Variants in VAX2 observed in about 807,000 individuals in gnomAD.
The protein encoded by VAX2 is ventral anterior homeobox 2.
Under a neutral mutation model 12.5 loss-of-function variants are expected in VAX2, and 8 were observed. The ratio of observed to expected loss-of-function variants is 0.64; its 90% confidence interval spans 0.37 to 1.15. The LOEUF (loss-of-function observed/expected upper bound fraction) is 1.15. VAX2 is among the 50% of genes most tolerant of loss of function. The pLI, the probability that VAX2 is intolerant of heterozygous loss-of-function variation, is 0.01. For synonymous variants in VAX2, 183 were observed against 187.6 expected (o/e 0.98, Z 0.20); for missense variants, 476 against 412.9 (o/e 1.15, Z -1.32).
intron 2 of VAX2, among the ~76,000 whole-genome samples, chr2:70,921,635 G>A (rs1313296718): frequency 2.6e-5 from 4 of 151,994 alleles, no homozygotes; most frequent in Admixed American, 2.0e-4. Flanking sequence ...GATGGTGAGG[G>A]CTTGGCTGGT....
chr2:70,928,874 T>A (rs775610004), intron 2 of VAX2, among the ~76,000 whole-genome samples: 1 of 152,202 alleles, frequency 6.6e-6, no homozygotes, highest in Non-Finnish European at 1.5e-5. Context: ...GCTCCCTAAA[T>A]GGGTTTTCTT....
intron 1 of VAX2, among the ~76,000 whole-genome samples, chr2:70,913,309 T>A (rs1679231524): frequency 6.6e-6 from 1 of 152,222 alleles, no homozygotes; most frequent in Non-Finnish European, 1.5e-5. Flanking sequence ...GATGGTAATA[T>A]CCCCTTATCT....
intron 1 of VAX2, among the ~76,000 whole-genome samples, chr2:70,919,230 C>CA (rs571460115): frequency 0.16 from 8,671 of 53,482 alleles, 628 homozygotes; most frequent in East Asian, 0.4. Flanking sequence ...TGTGTCTCCA[C>CA]AAAAAAAAAA....
In VAX2 at chr2:70,929,416, C is replaced by T. The variant is rs1407905798; in HGVS notation, c.436-3351C>T. ...ATAGGTATTTAGAAAAGGCCTGGAGCGGTGGCTCATGCCTGTAATCCCAGC... is the reference window on the plus strand; with the variant it reads ...ATAGGTATTTAGAAAAGGCCTGGAGTGGTGGCTCATGCCTGTAATCCCAGC... On this transcript the variant is annotated intron_variant, in intron 2 of 2. Coordinates refer to ENST00000234392, the MANE Select transcript of VAX2 (RefSeq NM_012476.3). Among the ~76,000 whole-genome samples the T allele has an allele frequency of 3.9e-5, 6 of 152,348 alleles. No individual in the cohort carries two copies. In the East Asian group the frequency reaches 5.8e-4, roughly 15 times the overall value.
intron 2 of VAX2, among the ~76,000 whole-genome samples, chr2:70,927,680 G>A (rs1481493214): frequency 2.6e-5 from 4 of 152,060 alleles, no homozygotes; most frequent in African/African-American, 9.7e-5. Flanking sequence ...AAATTCCTCT[G>A]TAGTCCTGGC....
chr2:70,921,218 G>T lies in VAX2; in HGVS notation c.368G>T (p.Arg123Leu), dbSNP rs142434739. 8.1e-6 allele frequency: 13 copies of T among 1,613,604 alleles called. No homozygotes were observed. The highest frequency in any genetic ancestry group is 1.1e-5 in the Non-Finnish European group (13 of 1,179,926). ...TACCGCCTGGAGATGGAGTTCCAGCGCTGCCAGTATGTGGTGGGCCGCGAG... is the reference window on the plus strand; with the variant it reads ...TACCGCCTGGAGATGGAGTTCCAGCTCTGCCAGTATGTGGTGGGCCGCGAG... ...QLYRLEMEFQ[R>L]CQYVVGRERT... is the part of the protein sequence containing the mutation. Residue 123 changes from arginine to leucine, a missense_variant, in exon 2 of 3, where the codon CGC becomes CTC. By Grantham distance (102) the Arg-to-Leu change is moderately radical. Transcript: ENST00000234392.
chr2:70,909,626 C>T (rs747968704), intron 1 of VAX2, among the ~76,000 whole-genome samples: 2 of 151,918 alleles, frequency 1.3e-5, no homozygotes, highest in Non-Finnish European at 2.9e-5. Flanking sequence ...TTATATATTA[C>T]AAAAATTGGA....
chr2:70,906,928 C>T (rs1553410666), intron 1 of VAX2, among the ~76,000 whole-genome samples: 1 of 152,204 alleles, frequency 6.6e-6, no homozygotes, highest in Admixed American at 6.5e-5. Flanking sequence ...TCACTGTGCC[C>T]ACCAAATCCA....
intron 1 of VAX2, among the ~76,000 whole-genome samples, chr2:70,909,558 A>G (rs1329445850): frequency 1.3e-5 from 2 of 151,984 alleles, no homozygotes; most frequent in African/African-American, 4.8e-5. Context: ...ATACACTTCC[A>G]CTCCTAAGAT....
Position 70,932,839 on chromosome 2 carries a change from T to A in VAX2, c.508T>A (p.Ser170Thr). The stretch of plus-strand genomic sequence containing the variant: ...GAGCAGAGACCTGGAGAAGCGGGCG[T>A]CCTCCTCAGCCTCCGAGGCCTTTGC... The part of the protein sequence containing the change: ...DQSRDLEKRA[S>T]SSASEAFATS... The change falls in exon 3 of 3, where the codon TCC (serine) becomes ACC (threonine). Residue 170 changes from serine to threonine, a missense_variant. By Grantham distance (58) the Ser-to-Thr change is moderately conservative (BLOSUM62 1). Transcript: ENST00000234392. 6.2e-7 allele frequency: 1 copy of A among 1,611,776 alleles called. No individual in the cohort carries two copies. Among genetic ancestry groups the A allele is most frequent in the Non-Finnish European group, 8.5e-7 (1 of 1,179,440 alleles).
In VAX2 at chr2:70,904,113, G is replaced by A. The variant is rs1214677585; in HGVS notation, c.247+3245G>A. ...CCCCGCACATCGCACCGCGGACGCAGCGATCCTCCCATTTGTACCCTAAGG... is the reference window on the plus strand; with the variant it reads ...CCCCGCACATCGCACCGCGGACGCAACGATCCTCCCATTTGTACCCTAAGG... On this transcript the variant is annotated intron_variant, in intron 1 of 2. Coordinates refer to ENST00000234392, the MANE Select transcript of VAX2 (RefSeq NM_012476.3). This position sits in a 1 kb window ranked among gnomAD's most constrained non-coding sequence, Gnocchi z 4.2. Among the ~76,000 whole-genome samples, 1 of 152,242 alleles carries A rather than the reference G, an allele frequency of 6.6e-6. No homozygotes were observed. The highest frequency in any genetic ancestry group is 1.5e-5 in the Non-Finnish European group (1 of 68,046).
In VAX2 at chr2:70,915,083, G is replaced by A. The variant is rs146200802; in HGVS notation, c.248-6015G>A. Among the ~76,000 whole-genome samples, 554 of 152,052 alleles carry A rather than the reference G, an allele frequency of 3.6e-3. 4 individuals carry two copies. Among genetic ancestry groups the A allele is most frequent in the African/African-American group, 0.013 (531 of 41,484 alleles). ...CCCAAAGTGCTGGGATTACAGGCATGAGTTACCACAACCAGCCTCTTTGAC... is the reference window on the plus strand; with the variant it reads ...CCCAAAGTGCTGGGATTACAGGCATAAGTTACCACAACCAGCCTCTTTGAC... On this transcript the variant is annotated intron_variant, in intron 1 of 2. Coordinates refer to ENST00000234392, the MANE Select transcript of VAX2 (RefSeq NM_012476.3).
chr2:70,903,311 A>G (rs1260174030), intron 1 of VAX2, among the ~76,000 whole-genome samples: 1 of 152,134 alleles, frequency 6.6e-6, no homozygotes, highest in Non-Finnish European at 1.5e-5. Context: ...TCCTATGTCA[A>G]TGTTGGGTTG....
At chr2:70,920,263 G>A (rs1679422942) in intron 1 of VAX2, among the ~76,000 whole-genome samples, 1 of 152,318 alleles carries the variant, frequency 6.6e-6, no homozygotes, top group South Asian at 2.1e-4. Context: ...CAAGCCATCA[G>A]TATATGTGGG....
intron 1 of VAX2, among the ~76,000 whole-genome samples, chr2:70,901,867 C>A (rs1206647131): frequency 6.6e-6 from 1 of 152,346 alleles, no homozygotes; most frequent in South Asian, 2.1e-4. Flanking sequence ...GGAGACCCAG[C>A]GCCAGAAGAG....
At chr2:70,910,481 T>A (rs1679156865) in intron 1 of VAX2, among the ~76,000 whole-genome samples, 1 of 152,164 alleles carries the variant, frequency 6.6e-6, no homozygotes, top group African/African-American at 2.4e-5. Context: ...CCATCTTGTA[T>A]AAAAGTGTCA....
At chr2:70,917,579 T>C (rs565970069) in intron 1 of VAX2, among the ~76,000 whole-genome samples, 1 of 152,204 alleles carries the variant, frequency 6.6e-6, no homozygotes, top group Non-Finnish European at 1.5e-5. Flanking sequence ...TTATTGCAGC[T>C]TTAATTTGCC....
intron 1 of VAX2, among the ~76,000 whole-genome samples, chr2:70,915,418 C>T (rs139307339): frequency 2.3e-4 from 35 of 151,446 alleles, no homozygotes; most frequent in African/African-American, 5.6e-4. Context: ...TTAGTAGAGA[C>T]GGAGTTTCGC....
intron 2 of VAX2, among the ~76,000 whole-genome samples, chr2:70,930,846 T>C (rs116724561): frequency 2.6e-4 from 40 of 152,356 alleles, no homozygotes; most frequent in African/African-American, 9.4e-4. Context: ...CCTTTTCTTA[T>C]TGGGCCCTCC....
Sources: gnomAD v4.1 joint callset for allele counts (sites outside exome capture counted in the v4.1 genomes callset) on GRCh38, gnomAD v4.1.1 for gene constraint, Gnocchi (gnomAD v3.1) non-coding constraint, MANE v1.5 for transcripts, NCBI Gene and HGNC (gene_info 2026-07-23, HGNC 2026-07-21) for gene names.